GALNT14: variants seen among roughly 807,000 people sequenced by gnomAD.
GALNT14 encodes the protein polypeptide N-acetylgalactosaminyltransferase 14, also known as UDP-GalNAc:polypeptide N-acetylgalactosaminyltransferase 14.
Under a neutral mutation model 77.5 loss-of-function variants are expected in GALNT14, and 60 were observed. The ratio of observed to expected loss-of-function variants is 0.77; its 90% CI spans 0.63 to 0.96. The LOEUF (loss-of-function observed/expected upper bound fraction) is 0.96, where lower values mean the gene tolerates loss of function less well. Among genes scored for constraint, GALNT14 ranks in the 40% least tolerant of loss-of-function variants. The pLI is 0.00. For missense variants in GALNT14, 710 were observed against 731.0 expected, an observed-to-expected ratio of 0.97 and a Z score of 0.33; for synonymous variants, 280 against 281.7, an observed-to-expected ratio of 0.99 and a Z score of 0.06.
At chr2:30,906,787 A>C (rs1664156722), downstream of GALNT14, among the ~76,000 whole-genome samples, 2 of 152,226 alleles carry the variant, frequency 1.3e-5, no homozygotes, top group Non-Finnish European at 2.9e-5. Flanking sequence ...CACCTAGTCC[A>C]AAATTGACCA....
At chr2:30,956,387 T>A (rs1178493733) in intron 4 of GALNT14, among the ~76,000 whole-genome samples, 6 of 152,336 alleles carry the variant, frequency 3.9e-5, no homozygotes, top group Non-Finnish European at 8.8e-5. Flanking sequence ...TAGATATATA[T>A]ATTTATGGGG....
intron 13 of GALNT14, 38 bp downstream of exon 13, chr2:30,924,081 G>C: frequency 6.2e-7 from 1 of 1,613,372 alleles, no homozygotes; most frequent in South Asian, 1.1e-5. Context: ...TCCCTCTACT[G>C]TGACACATGG....
At chr2:31,067,378 G>A (rs188209899) in intron 1 of GALNT14, among the ~76,000 whole-genome samples, 1 of 152,128 alleles carries the variant, frequency 6.6e-6, no homozygotes, top group Non-Finnish European at 1.5e-5. Flanking sequence ...TGAGAGTCTG[G>A]GAATGCCGTG....
intron 1 of GALNT14, among the ~76,000 whole-genome samples, chr2:31,124,363 G>A (rs568729866): frequency 6.6e-6 from 1 of 152,318 alleles, no homozygotes; most frequent in Admixed American, 6.5e-5. Flanking sequence ...GTGAGGCTGA[G>A]GGGAAGAAGA....
At chr2:30,889,521 A>T in the GALNT14 span, among the ~76,000 whole-genome samples, 1 of 152,234 alleles carries the variant, frequency 6.6e-6, no homozygotes, top group Non-Finnish European at 1.5e-5. Flanking sequence ...ATAGAACCCC[A>T]CTGCTTACAA....
At chr2:31,041,729 T>C (rs1673105216) in intron 1 of GALNT14, among the ~76,000 whole-genome samples, 1 of 152,010 alleles carries the variant, frequency 6.6e-6, no homozygotes, top group South Asian at 2.1e-4. Flanking sequence ...AATTGCTGAA[T>C]GTGGGAATAT....
At chr2:31,033,131 C>G (rs1672515318) in intron 1 of GALNT14, among the ~76,000 whole-genome samples, 1 of 152,168 alleles carries the variant, frequency 6.6e-6, no homozygotes, top group African/African-American at 2.4e-5. Flanking sequence ...TCCCAATACT[C>G]AGGCTCAAGT....
At chr2:30,923,589 A>G (rs969721828) in intron 13 of GALNT14, among the ~76,000 whole-genome samples, 4 of 152,184 alleles carry the variant, frequency 2.6e-5, no homozygotes, top group Admixed American at 6.5e-5. Flanking sequence ...GAAGCTGGGG[A>G]TGAAGAAGGA....
At chr2:30,962,609 TC>T (rs1667760482) in intron 3 of GALNT14, among the ~76,000 whole-genome samples, 1 of 152,128 alleles carries the variant, frequency 6.6e-6, no homozygotes, top group South Asian at 2.1e-4. Context: ...GTCCCCTAAT[TC>T]ATCAAGGTCA....
At chr2:31,050,202 A>G (rs1673751417) in intron 1 of GALNT14, among the ~76,000 whole-genome samples, 1 of 152,240 alleles carries the variant, frequency 6.6e-6, no homozygotes, top group Non-Finnish European at 1.5e-5. Context: ...GCCTCTCGCT[A>G]AACCTGAAGC....
chr2:31,083,589 T>C (rs935178661), intron 1 of GALNT14, among the ~76,000 whole-genome samples: 1 of 152,216 alleles, frequency 6.6e-6, no homozygotes, highest in East Asian at 1.9e-4. Context: ...CTCCACCCTA[T>C]GCCCCACTGC....
At chr2:30,937,602 G>A (rs969149591) in intron 9 of GALNT14, among the ~76,000 whole-genome samples, 2 of 152,062 alleles carry the variant, frequency 1.3e-5, no homozygotes, top group African/African-American at 2.4e-5. Flanking sequence ...GGTACCTCTC[G>A]GGCTTCACAT....
intron 1 of GALNT14, among the ~76,000 whole-genome samples, chr2:31,007,638 C>T (rs4952024): frequency 0.29 from 43,927 of 152,016 alleles, 6,588 homozygotes; most frequent in East Asian, 0.4. Context: ...TAATCAAATC[C>T]GGTAACTGGA....
At position 31,007,657 on chromosome 2, in the gene GALNT14, C is replaced by T. The variant is rs113132302; in HGVS notation, c.130-14650G>A. Among the ~76,000 whole-genome samples the T allele has an allele frequency of 7.0e-3, 1,069 of 152,212 alleles. 10 individuals carry two copies. Among genetic ancestry groups the T allele is most frequent in the Middle Eastern group, 0.024 (7 of 294 alleles). On this transcript the variant is annotated intron_variant, in intron 1 of 14. Transcript: ENST00000349752. ...CAAATCCGGTAACTGGATAGGAATC[C>T]AGATTTGCAATTCAGATGCATTGGG...
At chr2:30,948,990 G>T (rs1179324877) in intron 6 of GALNT14, among the ~76,000 whole-genome samples, 1 of 152,198 alleles carries the variant, frequency 6.6e-6, no homozygotes. Context: ...GCTCTGAGGG[G>T]TTCTGTCCTT....
intron 1 of GALNT14, among the ~76,000 whole-genome samples, chr2:31,044,670 C>T (rs566216523): frequency 1.3e-5 from 2 of 152,048 alleles, no homozygotes; most frequent in African/African-American, 2.4e-5. Context: ...ATAATCCCAG[C>T]GCTTTGGGAG....
intron 1 of GALNT14, among the ~76,000 whole-genome samples, chr2:31,105,806 C>A (rs183474766): frequency 6.6e-6 from 1 of 152,094 alleles, no homozygotes; most frequent in Non-Finnish European, 1.5e-5. Context: ...CCACTGCTTT[C>A]GGACGAAGGA....
At chr2:31,030,770 A>C (rs1284162523) in intron 1 of GALNT14, among the ~76,000 whole-genome samples, 1 of 152,202 alleles carries the variant, frequency 6.6e-6, no homozygotes, top group African/African-American at 2.4e-5. Flanking sequence ...GTAGGCTTCC[A>C]GCCCCTGGAA....
At chr2:30,897,571 C>T in the GALNT14 span, among the ~76,000 whole-genome samples, 10 of 152,204 alleles carry the variant, frequency 6.6e-5, no homozygotes, top group African/African-American at 2.4e-4. Context: ...CACGGCCTCC[C>T]CATGAGAAGA....
Sources: allele counts gnomAD v4.1 joint callset (sites outside exome capture counted in the v4.1 genomes callset), GRCh38; gene constraint gnomAD v4.1.1; transcripts MANE v1.5; gene names NCBI Gene and HGNC (gene_info 2026-07-23, HGNC 2026-07-21).